The following FGFR1OP2 variants were observed in gnomAD, a reference collection of about 807,000 sequenced individuals.
The protein encoded by FGFR1OP2 is fibroblast growth factor receptor 1 oncogene partner 2.
In FGFR1OP2, 17 loss-of-function variants were observed where a neutral mutation model predicts 35.2. That is an observed-to-expected ratio of 0.48 (90% CI 0.33 to 0.73). The LOEUF is 0.73. FGFR1OP2 is among the 30% of genes least tolerant of loss of function. FGFR1OP2 has a pLI of 0.02. For synonymous variants in FGFR1OP2, 105 were observed against 104.6 expected (o/e 1.00, Z -0.03); for missense variants, 251 against 307.3 (o/e 0.82, Z 1.37).
At chr12:26,939,632 C>T (rs1036095314) in intron 1 of FGFR1OP2, among the ~76,000 whole-genome samples, 12 of 152,146 alleles carry the variant, frequency 7.9e-5, no homozygotes, top group Admixed American at 2.0e-4. Context: ...CTCAGACTCC[C>T]CCAGGTGACA....
rs1016358647 is a variant in FGFR1OP2, at chr12:26,947,042, C to T, written c.-14-7103C>T. On this transcript the variant is annotated intron_variant, in intron 1 of 6. Transcript: ENST00000229395. ...ACTTTTTTTTTTTTGCCAGATATTC[C>T]ACTGTATGAACACATCATATTTACT... 4.6e-5 allele frequency among the ~76,000 whole-genome samples: 7 copies of T among 151,810 alleles called. No individual in the cohort carries two copies. In the South Asian group the frequency reaches 8.3e-4, roughly 18 times the overall value.
chr12:26,964,435 T>A (rs1333001574), intron 6 of FGFR1OP2, among the ~76,000 whole-genome samples, 161 bp from the exon 7 acceptor site: 1 of 152,146 alleles, frequency 6.6e-6, no homozygotes, highest in Non-Finnish European at 1.5e-5. Context: ...TTCTTTAGAT[T>A]CAAGTTGCCA....
At chr12:26,945,659 A>G (rs910273925) in intron 1 of FGFR1OP2, among the ~76,000 whole-genome samples, 3 of 152,150 alleles carry the variant, frequency 2.0e-5, no homozygotes, top group African/African-American at 7.2e-5. Flanking sequence ...TCAGGCGTTC[A>G]GGACCAGCCT....
At chr12:26,957,557 C>G (rs372612021) in intron 3 of FGFR1OP2, 44 bp from the exon 4 acceptor site, 2 of 1,552,556 alleles carry the variant, frequency 1.3e-6, no homozygotes, top group African/African-American at 2.8e-5. Flanking sequence ...ATTTTGTGTA[C>G]TTTTAACTCA....
At chr12:26,963,691 GCTTAT>G (rs1297504920) in intron 6 of FGFR1OP2, among the ~76,000 whole-genome samples, 1 of 152,004 alleles carries the variant, frequency 6.6e-6, no homozygotes, top group African/African-American at 2.4e-5. Context: ...ATTCTATATT[GCTTAT>G]CTTATGAAGT....
At chr12:26,957,564 C>T in intron 3 of FGFR1OP2, 37 bp from the exon 4 acceptor site, 3 of 1,567,106 alleles carry the variant, frequency 1.9e-6, no homozygotes, top group Non-Finnish European at 2.6e-6. Context: ...GTACTTTTAA[C>T]TCAAGTTGGA....
intron 1 of FGFR1OP2, among the ~76,000 whole-genome samples, chr12:26,945,481 C>T (rs1467816147): frequency 6.6e-6 from 1 of 152,140 alleles, no homozygotes; most frequent in Non-Finnish European, 1.5e-5. Flanking sequence ...TATAGAAGTA[C>T]ATTGTTTAAC....
intron 1 of FGFR1OP2, among the ~76,000 whole-genome samples, chr12:26,951,334 T>C (rs910751204): frequency 4.6e-5 from 7 of 151,858 alleles, no homozygotes; most frequent in African/African-American, 1.5e-4. Flanking sequence ...TTTATTTATT[T>C]AGTTAGTTAT....
chr12:26,959,399 G>A (rs536826127), intron 4 of FGFR1OP2, among the ~76,000 whole-genome samples: 4 of 151,984 alleles, frequency 2.6e-5, no homozygotes, highest in South Asian at 2.1e-4. Context: ...TTATTTGTAA[G>A]ATAAATATAA....
chr12:26,947,572 G>C (rs940608447), intron 1 of FGFR1OP2, among the ~76,000 whole-genome samples: 1 of 152,100 alleles, frequency 6.6e-6, no homozygotes, highest in Non-Finnish European at 1.5e-5. Context: ...TGTAGAGACA[G>C]GGTTTTGCCA....
At position 26,965,801 on chromosome 12, in the gene FGFR1OP2, T is replaced by G. The variant is rs1230565311; in HGVS notation, c.*1068T>G. ...GTAAAGGTGGAGTAATCTGTGGATT[T>G]GTTTCTGTTGTCTTTTAAAATGTCA... is the stretch of plus-strand genomic sequence containing the variant. On this transcript the variant is annotated 3_prime_UTR_variant, in exon 7 of 7. Transcript: ENST00000229395. 2 of 152,204 alleles carry G rather than the reference T, an allele frequency of 1.3e-5. No individual in the cohort carries two copies. The highest frequency in any genetic ancestry group is 3.8e-4 in the East Asian group (2 of 5,196). The allele number at this position is 152,204 out of a possible 1,614,324, so 9.4% of individuals were successfully genotyped here.
At chr12:26,956,433 T>C (rs182621502) in intron 2 of FGFR1OP2, 110 bp from the exon 3 acceptor site, 173 of 236,282 alleles carry the variant, frequency 7.3e-4, no homozygotes, top group Non-Finnish European at 1.2e-3. Flanking sequence ...TAAGCTCTTA[T>C]CAGATTTTTT....
chr12:26,952,813 T>C (rs1430971243), intron 1 of FGFR1OP2, among the ~76,000 whole-genome samples: 3 of 149,346 alleles, frequency 2.0e-5, no homozygotes, highest in Non-Finnish European at 4.5e-5. Context: ...GATGAAAGTC[T>C]TTGTTTATAA....
At chr12:26,943,119 G>A (rs767892566) in intron 1 of FGFR1OP2, among the ~76,000 whole-genome samples, 1 of 152,002 alleles carries the variant, frequency 6.6e-6, no homozygotes, top group Non-Finnish European at 1.5e-5. Flanking sequence ...GTTAATTTTT[G>A]TATTAAGTGT....
In FGFR1OP2 at chr12:26,956,642, T is replaced by C; in HGVS notation, c.235T>C (p.Leu79=). 1 of 1,584,676 alleles carries C rather than the reference T, an allele frequency of 6.3e-7. No homozygotes were observed. The highest frequency in any genetic ancestry group is 8.6e-7 in the Non-Finnish European group (1 of 1,164,630). Residue 79 remains leucine (L), a synonymous_variant, in exon 3 of 7, where the codon TTG becomes CTG. Coordinates refer to ENST00000229395, the MANE Select transcript of FGFR1OP2 (RefSeq NM_015633.3). ...GCAAGAAAACAGACAAATCAGAGAG[T>C]TGCAACAAGAAAACAAAGGTAAGAT... ...IQQENRQIRE[L]QQENKELRTS...
At chr12:26,942,617 T>TA (rs1938754966) in intron 1 of FGFR1OP2, among the ~76,000 whole-genome samples, 2 of 152,320 alleles carry the variant, frequency 1.3e-5, no homozygotes, top group East Asian at 1.9e-4. Context: ...TTACAGCTGT[T>TA]ACATTTGAGG....
chr12:26,963,561 A>C (rs1184712601), intron 6 of FGFR1OP2, 106 bp downstream of exon 6: 1 of 693,536 alleles, frequency 1.4e-6, no homozygotes, highest in Non-Finnish European at 2.3e-6. Flanking sequence ...GGGTACTGGT[A>C]ATGTTCTCCT....
chr12:26,946,920 C>T (rs997427157), intron 1 of FGFR1OP2, among the ~76,000 whole-genome samples: 7 of 152,032 alleles, frequency 4.6e-5, no homozygotes, highest in Middle Eastern at 3.2e-3. Context: ...ATATAAATGG[C>T]GTGATACATT....
intron 1 of FGFR1OP2, among the ~76,000 whole-genome samples, chr12:26,950,260 C>T: frequency 9.5e-6 from 1 of 105,476 alleles, no homozygotes; most frequent in Non-Finnish European, 1.7e-5. Context: ...CCCGTTCTGT[C>T]ACCCAGGCTG....
Sources: gnomAD v4.1 joint callset for allele counts (sites outside exome capture counted in the v4.1 genomes callset) on GRCh38, gnomAD v4.1.1 for gene constraint, MANE v1.5 for transcripts, NCBI Gene and HGNC (gene_info 2026-07-23, HGNC 2026-07-21) for gene names.